ZNF425: variants seen among roughly 807,000 people sequenced by gnomAD.
ZNF425 encodes zinc finger protein 425.
In ZNF425, 21 loss-of-function variants were observed where a neutral mutation model predicts 17.0. The ratio of observed to expected loss-of-function variants is 1.23; its 90% CI spans 0.88 to 1.78. The LOEUF (loss-of-function observed/expected upper bound fraction) is 1.78, where lower values mean the gene tolerates loss of function less well. ZNF425 is among the 40% of genes most tolerant of loss of function. The pLI is 0.00. For missense variants in ZNF425, 868 were observed against 967.3 expected, an observed-to-expected ratio of 0.90 and a Z score of 1.36; for synonymous variants, 433 against 384.1, an observed-to-expected ratio of 1.13 and a Z score of -1.49.
chr7:149,121,154 C>T (rs28764870), intron 1 of ZNF425, among the ~76,000 whole-genome samples: 2,314 of 9,554 alleles, frequency 0.24, 343 homozygotes, highest in East Asian at 1. Context: ...AGTGCAGTGG[C>T]GGGATCTCGG....
intron 1 of ZNF425, among the ~76,000 whole-genome samples, chr7:149,123,938 C>G (rs1181393776): frequency 2.7e-5 from 4 of 149,902 alleles, no homozygotes; most frequent in Admixed American, 2.0e-4. Context: ...AGCTCCGCCT[C>G]CCGGGTTCAC....
rs553796829 is a variant in ZNF425, at chr7:149,103,512, C to T, written c.*100G>A. ...GGATTACAGGCGGGAGCCACTGTGCCCGATCTTACCCTGTGAATCCTTCAA... is the reference window on the plus strand; with the variant it reads ...GGATTACAGGCGGGAGCCACTGTGCTCGATCTTACCCTGTGAATCCTTCAA... On this transcript the variant is annotated 3_prime_UTR_variant, in exon 4 of 4. Transcript: ENST00000378061. 233 of 1,426,632 alleles carry T rather than the reference C, an allele frequency of 1.6e-4. No homozygotes were observed. The highest frequency in any genetic ancestry group is 2.1e-4 in the Non-Finnish European group (225 of 1,078,984). 88.4% of individuals were successfully genotyped at this position (1,426,632 alleles called of 1,614,324 possible). A position where few individuals can be genotyped will look rare whatever the true frequency, so the allele number is the denominator to read the frequency against.
At chr7:149,110,919 C>G (rs891656190) in intron 3 of ZNF425, among the ~76,000 whole-genome samples, 2 of 151,376 alleles carry the variant, frequency 1.3e-5, no homozygotes, top group Non-Finnish European at 2.9e-5. Flanking sequence ...CTCAGCCTCG[C>G]GAGTAGCTGG....
intron 1 of ZNF425, among the ~76,000 whole-genome samples, chr7:149,121,983 G>T (rs949380009): frequency 6.6e-6 from 1 of 151,780 alleles, no homozygotes; most frequent in African/African-American, 2.4e-5. Flanking sequence ...TGGTGCAATC[G>T]CGGCTCACTG....
Position 149,104,559 on chromosome 7 carries a change from C to G in ZNF425, c.1312G>C (p.Gly438Arg). 1 of 1,613,388 alleles carries G rather than the reference C, an allele frequency of 6.2e-7. No homozygotes were observed. Among genetic ancestry groups the G allele is most frequent in the Non-Finnish European group, 8.5e-7 (1 of 1,179,796 alleles). ...SLKAHGLQHI[G>R]KRPFQCPECS... The stretch of plus-strand genomic sequence containing the variant: ...TCCGGGCACTGGAAGGGCCGCTTCC[C>G]AATGTGCTGCAGCCCGTGGGCTTTC... The change falls in exon 4 of 4, where the codon GGG becomes CGG. Residue 438 changes from glycine to arginine, a missense_variant. Physicochemically the swap from Gly to Arg is moderately radical, Grantham distance 125. Around this residue, in one of 5 missense-constraint regions of ZNF425, gnomAD observed 437 missense variants for 444.2 expected, o/e 0.98. Coordinates refer to ENST00000378061, the MANE Select transcript of ZNF425 (RefSeq NM_001001661.3). The surrounding 1 kb of genome is among the most constrained non-coding windows in gnomAD (Gnocchi z 4.3).
Position 149,120,445 on chromosome 7 carries a change from C to CT in ZNF425, c.19-2098dup, listed in dbSNP as rs760742777. Among the ~76,000 whole-genome samples the CT allele has an allele frequency of 7.9e-5, 12 of 152,216 alleles. No individual in the cohort carries two copies. In the East Asian group the frequency reaches 1.9e-3, roughly 24 times the overall value. ...ATGGTATGCGACCTTCTGAAATTGA[C>CT]TTTTTTCTCTCAGCATAATGTCCTT... On this transcript the variant is annotated intron_variant, in intron 1 of 3. Coordinates refer to ENST00000378061, the MANE Select transcript of ZNF425 (RefSeq NM_001001661.3).
At position 149,105,020 on chromosome 7, in the gene ZNF425, C is replaced by T. The variant is rs1402765453; in HGVS notation, c.851G>A (p.Arg284Gln). 3.7e-6 allele frequency: 6 copies of T among 1,614,192 alleles called. No homozygotes were observed. In the East Asian group the frequency reaches 6.7e-5, roughly 18 times the overall value. The change falls in exon 4 of 4, where the codon CGG (arginine) becomes CAG (glutamine). Residue 284 changes from arginine to glutamine, a missense_variant. Arg to Gln is a conservative substitution (Grantham distance 43). This residue lies in a region of ZNF425 where 243 missense variants were observed against 265.2 expected (regional missense o/e 0.92). Coordinates refer to ENST00000378061, the MANE Select transcript of ZNF425 (RefSeq NM_001001661.3). ...YPCPECDKTFRYRANLKKHLC... is the reference protein window; with the variant it reads ...YPCPECDKTFQYRANLKKHLC... ...GTGCTTCTTCAGGTTGGCCCTGTACCGGAAGGTCTTGTCGCACTCAGGGCA... is the reference window on the plus strand; with the variant it reads ...GTGCTTCTTCAGGTTGGCCCTGTACTGGAAGGTCTTGTCGCACTCAGGGCA...
At position 149,112,138 on chromosome 7, in the gene ZNF425, A is replaced by G; in HGVS notation, c.303T>C (p.Phe101=). 1 of 1,612,982 alleles carries G rather than the reference A, an allele frequency of 6.2e-7. No homozygotes were observed. Among genetic ancestry groups the G allele is most frequent in the African/African-American group, 1.3e-5 (1 of 75,022 alleles). The part of the protein sequence containing the change: ...NMKNTGKLLC[F]DDEGTPRTKE... ...TGATCTTAAATCCATCTTACTCACC[A>G]AAACATAGCAACTTTCCAGTATTCT... The change falls in exon 3 of 4, where the codon TTT becomes TTC. Residue 101 remains phenylalanine, a splice_region_variant and synonymous_variant. Transcript: ENST00000378061.
rs1463595793 is a variant in ZNF425 at position 149,103,660 on chromosome 7, G to C, written c.2211C>G (p.Leu737=). ...CGRSFTYVGA[L]KTHIAVHAKE... ...TGGCATGCACTGCAATGTGGGTCTT[G>C]AGCGCCCCCACGTACGTGAAGCTCC... Residue 737 remains leucine, a synonymous_variant, in exon 4 of 4, where the codon CTC becomes CTG. Transcript: ENST00000378061. The C allele has an allele frequency of 1.2e-6, 2 of 1,613,566 alleles. No individual in the cohort carries two copies. Among genetic ancestry groups the C allele is most frequent in the East Asian group, 4.5e-5 (2 of 44,880 alleles).
chr7:149,119,427 C>G (rs6950172), intron 1 of ZNF425, among the ~76,000 whole-genome samples: 127,238 of 152,186 alleles, frequency 0.84, 53,417 homozygotes, highest in East Asian at 1. Flanking sequence ...CCTTCACCCA[C>G]TTTACCCAAA....
intron 3 of ZNF425, among the ~76,000 whole-genome samples, chr7:149,107,243 G>A (rs1201862713): frequency 1.3e-5 from 2 of 151,818 alleles, no homozygotes; most frequent in Non-Finnish European, 2.9e-5. Flanking sequence ...AAAAATGACA[G>A]CTTACTGAAT....
In ZNF425 at chr7:149,104,920, G is replaced by T; in HGVS notation, c.951C>A (p.Leu317=). 3 of 1,613,738 alleles carry T rather than the reference G, an allele frequency of 1.9e-6. No individual in the cohort carries two copies. Among genetic ancestry groups the T allele is most frequent in the Non-Finnish European group, 2.5e-6 (3 of 1,179,964 alleles). The change falls in exon 4 of 4, where the codon CTC becomes CTA. Residue 317 remains leucine, a synonymous_variant. Transcript: ENST00000378061. The surrounding 1 kb of genome is among the most constrained non-coding windows in gnomAD (Gnocchi z 4.3). ...CGRAFVQQCE[L]TEHLRLHSGE... ...CGCTGTGCAGCCGCAAGTGCTCCGT[G>T]AGCTCGCACTGCTGCACGAAGGCCC... is the stretch of plus-strand genomic sequence containing the variant.
Position 149,103,543 on chromosome 7 carries a change from C to T in ZNF425, c.*69G>A. On this transcript the variant is annotated 3_prime_UTR_variant, in exon 4 of 4. Coordinates refer to ENST00000378061, the MANE Select transcript of ZNF425 (RefSeq NM_001001661.3). ...TTACCCTGTGAATCCTTCAACCTGC[C>T]TCAACTTGAGCCAACAGAGCTGCTG... is the stretch of plus-strand genomic sequence containing the variant. 2 of 1,514,276 alleles carry T rather than the reference C, an allele frequency of 1.3e-6. No individual in the cohort carries two copies. Among genetic ancestry groups the T allele is most frequent in the East Asian group, 4.5e-5 (2 of 44,092 alleles). 93.8% of individuals were successfully genotyped at this position (1,514,276 alleles called of 1,614,324 possible). A position where few individuals can be genotyped will look rare whatever the true frequency, so the allele number is the denominator to read the frequency against.
chr7:149,105,370 C>T lies in ZNF425; in HGVS notation c.501G>A (p.Lys167=). 1 of 1,612,570 alleles carries T rather than the reference C, an allele frequency of 6.2e-7. No homozygotes were observed. Among genetic ancestry groups the T allele is most frequent in the Non-Finnish European group, 8.5e-7 (1 of 1,179,516 alleles). Residue 167 remains lysine, a synonymous_variant, in exon 4 of 4, where the codon AAG becomes AAA. Transcript: ENST00000378061. ...CCCGAGGCTTATGCCGCAGGTCTTTCTTGTCTGGATCATATGCTGTGATGC... is the reference window on the plus strand; with the variant it reads ...CCCGAGGCTTATGCCGCAGGTCTTTTTTGTCTGGATCATATGCTGTGATGC... ...KVSITAYDPD[K]KDLRHKPRET...
chr7:149,123,666 G>C (rs1398120620), intron 1 of ZNF425, among the ~76,000 whole-genome samples: 4 of 151,918 alleles, frequency 2.6e-5, no homozygotes, highest in African/African-American at 9.7e-5. Context: ...CGAGTAGTTG[G>C]GTTTACAGGA....
chr7:149,104,281 C>G lies in ZNF425; in HGVS notation c.1590G>C (p.Glu530Asp), dbSNP rs1826033197. Residue 530 changes from glutamate (E) to aspartate (D), a missense_variant, in exon 4 of 4, where the codon GAG (glutamate) becomes GAC (aspartate). Physicochemically the swap from Glu to Asp is conservative, Grantham distance 45. Transcript: ENST00000378061. This position sits in a 1 kb window ranked among gnomAD's most constrained non-coding sequence, Gnocchi z 4.3. ...HTTEKPFSCAECGRSFRRRAH... is the reference protein window; with the variant it reads ...HTTEKPFSCADCGRSFRRRAH... ...CGCGTCGGCGGAAACTGCGGCCGCA[C>G]TCGGCGCAGGAGAACGGCTTTTCCG... The G allele has an allele frequency of 6.2e-7, 1 of 1,613,650 alleles. No individual in the cohort carries two copies. The highest frequency in any genetic ancestry group is 1.3e-5 in the African/African-American group (1 of 74,940).
chr7:149,113,551 ATT>A (rs774215848), intron 2 of ZNF425: 55 of 129,266 alleles, frequency 4.3e-4, no homozygotes, highest in South Asian at 4.8e-4. Flanking sequence ...ATTCCTACAA[ATT>A]TTTTTTTTTT....
rs150605640 is a variant in ZNF425 at position 149,121,762 on chromosome 7, A to G, written c.19-3414T>C. Among the ~76,000 whole-genome samples, 88 of 152,278 alleles carry G rather than the reference A, an allele frequency of 5.8e-4. 1 individual carries two copies. In the East Asian group the frequency reaches 0.012, roughly 20 times the overall value. ...ACCATCGCCAGCATTTGGCAATGTC[A>G]CTACTTTTAACTGTTCTGATAGGTG... On this transcript the variant is annotated intron_variant, in intron 1 of 3. Coordinates refer to ENST00000378061, the MANE Select transcript of ZNF425 (RefSeq NM_001001661.3).
intron 2 of ZNF425, among the ~76,000 whole-genome samples, chr7:149,112,670 T>G (rs1344072763): frequency 2.0e-5 from 3 of 151,780 alleles, no homozygotes; most frequent in African/African-American, 4.8e-5. Context: ...TCATTATTAT[T>G]TTATTTTATT....
Sources: gnomAD v4.1 joint callset for allele counts (sites outside exome capture counted in the v4.1 genomes callset) on GRCh38, gnomAD v4.1.1 for gene constraint, gnomAD v4.1.1 regional missense constraint, Gnocchi (gnomAD v3.1) non-coding constraint, MANE v1.5 for transcripts, NCBI Gene and HGNC (gene_info 2026-07-23, HGNC 2026-07-21) for gene names.